Variants in ELF2 observed in about 807,000 individuals in gnomAD.
The protein encoded by ELF2 is ETS-related transcription factor Elf-2.
A neutral mutation model predicts 54.8 loss-of-function variants in ELF2; 11 were observed. That is an observed-to-expected ratio of 0.20 (90% confidence interval 0.13 to 0.33). The LOEUF is 0.33. Ranked by LOEUF, ELF2 falls within the 10% of genes least tolerant of loss-of-function variation. The pLI, the probability that ELF2 is intolerant of heterozygous loss-of-function variation, is 1.00. For missense variants in ELF2, 513 were observed against 703.0 expected (o/e 0.73, Z 3.06); for synonymous variants, 203 against 245.1 (o/e 0.83, Z 1.61).
intron 3 of ELF2, among the ~76,000 whole-genome samples, chr4:139,127,837 C>T (rs1241055387): frequency 6.6e-6 from 1 of 151,798 alleles, no homozygotes; most frequent in South Asian, 2.1e-4. Flanking sequence ...TGGTTGCATG[C>T]GCCTGTAATC....
At chr4:139,063,213 G>A (rs1412696701) in intron 7 of ELF2, among the ~76,000 whole-genome samples, 4 of 152,000 alleles carry the variant, frequency 2.6e-5, no homozygotes, top group African/African-American at 4.8e-5. Context: ...AGCTGAGATC[G>A]CACCACTGCA....
chr4:139,139,745 A>T (rs1738522216), intron 1 of ELF2, among the ~76,000 whole-genome samples: 1 of 152,148 alleles, frequency 6.6e-6, no homozygotes, highest in South Asian at 2.1e-4. Context: ...GAATCAACGT[A>T]TGAAGCCTAT....
intron 1 of ELF2, among the ~76,000 whole-genome samples, chr4:139,154,071 C>T (rs1411881505): frequency 6.6e-6 from 1 of 152,202 alleles, no homozygotes; most frequent in Non-Finnish European, 1.5e-5. Context: ...TGCCTGGGTA[C>T]ATCCTCAACC....
chr4:139,132,858 ATATATATATATATAT>A (rs1737661228), intron 3 of ELF2, among the ~76,000 whole-genome samples: 3 of 138,476 alleles, frequency 2.2e-5, no homozygotes, highest in African/African-American at 5.6e-5. Flanking sequence ...ATATATATAT[ATATATATATATATAT>A]AAAATATGTA....
intron 4 of ELF2, among the ~76,000 whole-genome samples, chr4:139,114,593 A>ACACC (rs1735373376): frequency 6.8e-6 from 1 of 146,234 alleles, no homozygotes; most frequent in African/African-American, 2.5e-5. Flanking sequence ...ACACACACAC[A>ACACC]CACAATTTAG....
intron 2 of ELF2, among the ~76,000 whole-genome samples, chr4:139,138,877 T>C (rs34779415): frequency 0.18 from 27,972 of 152,210 alleles, 2,766 homozygotes; most frequent in South Asian, 0.32. Context: ...CAAGATGCAA[T>C]ATAGCAAATG....
intron 4 of ELF2, among the ~76,000 whole-genome samples, chr4:139,094,562 A>G (rs1733040027): frequency 6.6e-6 from 1 of 152,220 alleles, no homozygotes; most frequent in Non-Finnish European, 1.5e-5. Flanking sequence ...ACATGCAAGG[A>G]TATTAGGAAC....
At chr4:139,102,250 C>CT in intron 4 of ELF2, 1 of 151,734 alleles carries the variant, frequency 6.6e-6, no homozygotes, top group Admixed American at 6.6e-5. Flanking sequence ...GGGCCGGGCG[C>CT]AGTGGCTCAC....
intron 1 of ELF2, among the ~76,000 whole-genome samples, chr4:139,144,911 G>C (rs1739077959): frequency 2.0e-5 from 3 of 152,152 alleles, no homozygotes; most frequent in Admixed American, 2.0e-4. Context: ...ACCTGCCCTG[G>C]TAGGTTAACA....
intron 4 of ELF2, among the ~76,000 whole-genome samples, chr4:139,079,745 C>T (rs1374024800): frequency 6.6e-6 from 1 of 152,072 alleles, no homozygotes; most frequent in Non-Finnish European, 1.5e-5. Flanking sequence ...AACCCCATTT[C>T]TACTAAAAAT....
rs1331731664 is a variant in ELF2, at chr4:139,150,848, C to T, written c.-251-11351G>A. On this transcript the variant is annotated intron_variant, in intron 1 of 9. Coordinates refer to ENST00000686138, the MANE Select transcript of ELF2 (RefSeq NM_001331036.3). ...CCATCCTCGCTAACACGGTGAAACC[C>T]GTCTCTACTAAATAAAACACAAAAA... Among the ~76,000 whole-genome samples, 3 of 151,594 alleles carry T rather than the reference C, an allele frequency of 2.0e-5. No homozygotes were observed. In the East Asian group the frequency reaches 5.8e-4, roughly 29 times the overall value.
chr4:139,070,852 A>G lies in ELF2; in HGVS notation c.526+1014T>C, dbSNP rs188175362. Among the ~76,000 whole-genome samples the G allele has an allele frequency of 2.4e-3, 360 of 152,348 alleles. 1 individual carries two copies. The highest frequency in any genetic ancestry group is 5.1e-4 in the Non-Finnish European group (35 of 68,028). On this transcript the variant is annotated intron_variant, in intron 6 of 9. Coordinates refer to ENST00000686138, the MANE Select transcript of ELF2 (RefSeq NM_001331036.3). ...CTTACAACAATGACCACAGAATGGT[A>G]CACACTGTGGCAATCTGAAACACTA...
chr4:139,174,073 A>T (rs935894644), intron 1 of ELF2, among the ~76,000 whole-genome samples: 4 of 151,492 alleles, frequency 2.6e-5, no homozygotes, highest in South Asian at 2.1e-4. Context: ...AATACAAAAA[A>T]AAAAAAAAAA....
intron 1 of ELF2, among the ~76,000 whole-genome samples, chr4:139,156,637 T>C (rs1308152232): frequency 1.5e-5 from 2 of 136,064 alleles, no homozygotes; most frequent in African/African-American, 2.7e-5. Flanking sequence ...GTTGTTGTTG[T>C]TGTTGTTGCT....
intron 4 of ELF2, among the ~76,000 whole-genome samples, chr4:139,086,579 C>T (rs185466138): frequency 5.3e-5 from 8 of 152,264 alleles, no homozygotes; most frequent in Admixed American, 3.9e-4. Context: ...AACTAATTCA[C>T]TTATTCAACA....
At chr4:139,098,605 A>ATTACGGGCATATG (rs1733538408) in intron 4 of ELF2, among the ~76,000 whole-genome samples, 1 of 151,580 alleles carries the variant, frequency 6.6e-6, no homozygotes, top group Non-Finnish European at 1.5e-5. Context: ...AGTAGCTGGG[A>ATTACGGGCATATG]CTACAGGCGC....
At chr4:139,156,612 AT>A (rs1740570069) in intron 1 of ELF2, among the ~76,000 whole-genome samples, 1 of 148,408 alleles carries the variant, frequency 6.7e-6, no homozygotes, top group South Asian at 2.2e-4. Context: ...ATATATATAT[AT>A]TTGTTGTTTT....
At chr4:139,133,202 T>C (rs1176711341) in intron 3 of ELF2, among the ~76,000 whole-genome samples, 1 of 152,132 alleles carries the variant, frequency 6.6e-6, no homozygotes, top group Admixed American at 6.6e-5. Flanking sequence ...ATTACAGGCG[T>C]GAGCCACCAC....
chr4:139,102,174 T>C (rs1578798926), intron 4 of ELF2: 1 of 151,924 alleles, frequency 6.6e-6, no homozygotes, highest in East Asian at 1.9e-4. Context: ...AGAAAAAAGG[T>C]CATATGGGGA....
Sources: gnomAD v4.1 joint callset for allele counts (sites outside exome capture counted in the v4.1 genomes callset) on GRCh38, gnomAD v4.1.1 for gene constraint, MANE v1.5 for transcripts, NCBI Gene and HGNC (gene_info 2026-07-23, HGNC 2026-07-21) for gene names.